The following ALDH1L1 variants were observed in gnomAD, a reference collection of about 807,000 sequenced individuals.
The protein encoded by ALDH1L1 is cytosolic 10-formyltetrahydrofolate dehydrogenase.
A neutral mutation model predicts 101.1 loss-of-function variants in ALDH1L1; 68 were observed. The observed-to-expected ratio is 0.67, with a 90% confidence interval of 0.55 to 0.82. The LOEUF is 0.82. Ranked by LOEUF, ALDH1L1 falls within the 40% of genes least tolerant of loss-of-function variation. ALDH1L1 has a pLI of 0.00. For missense variants in ALDH1L1, 1,087 were observed against 1,172.7 expected, an observed-to-expected ratio of 0.93 and a Z score of 1.07; for synonymous variants, 486 against 470.8, an observed-to-expected ratio of 1.03 and a Z score of -0.42.
chr3:126,180,684 T>C (rs568117662), upstream of ALDH1L1: 4 of 1,368,276 alleles, frequency 2.9e-6, no homozygotes, highest in Admixed American at 3.0e-5. Flanking sequence ...CGCTCACCGG[T>C]GGTGGGACTA....
intron 1 of ALDH1L1, among the ~76,000 whole-genome samples, chr3:126,162,775 T>G (rs77365657): frequency 2.9e-4 from 44 of 152,350 alleles, no homozygotes; most frequent in African/African-American, 1.0e-3. Context: ...TACTCCAACT[T>G]CATGAAGATG....
chr3:126,152,461 AC>A (rs1208419440), intron 7 of ALDH1L1: 1 of 152,224 alleles, frequency 6.6e-6, no homozygotes, highest in Non-Finnish European at 1.5e-5. Flanking sequence ...TACCCAAAAC[AC>A]TACATTGCAG....
In ALDH1L1 at chr3:126,155,476, C is replaced by T. The variant is rs761603305; in HGVS notation, c.556G>A (p.Gly186Ser). ...MVQAVRLIAE[G>S]KAPRLPQPEE... is the part of the protein sequence containing the mutation. The stretch of plus-strand genomic sequence containing the variant: ...GGCTGAGGGAGTCTGGGGGCTTTGC[C>T]CTCAGCGATCAGCCTCACGGCCTGC... Residue 186 changes from glycine (G) to serine (S), a missense_variant, in exon 5 of 23, where the codon GGC becomes AGC. Physicochemically the swap from Gly to Ser is moderately conservative, Grantham distance 56. Around this residue, in one of 2 missense-constraint regions of ALDH1L1, gnomAD observed 645 missense variants for 637.0 expected, o/e 1.01. Transcript: ENST00000393434. 4 of 1,612,926 alleles carry T rather than the reference C, an allele frequency of 2.5e-6. No homozygotes were observed. In the African/African-American group the frequency reaches 5.3e-5, roughly 22 times the overall value.
At chr3:126,115,198 A>AC (rs1245079215) in intron 17 of ALDH1L1, 1 of 405,338 alleles carries the variant, frequency 2.5e-6, no homozygotes, top group Non-Finnish European at 5.0e-6. Context: ...AGGCTGGGGC[A>AC]CCTCCTTGTA....
chr3:126,130,128 A>G (rs551428771), intron 14 of ALDH1L1, 95 bp downstream of exon 14: 2 of 1,179,212 alleles, frequency 1.7e-6, no homozygotes, highest in Non-Finnish European at 2.3e-6. Flanking sequence ...AAATGCACGC[A>G]CAGGGTGCTG....
At chr3:126,135,735 G>A (rs760612042) in intron 11 of ALDH1L1, 73 bp from the exon 12 acceptor site, 27 of 1,435,812 alleles carry the variant, frequency 1.9e-5, no homozygotes, top group Non-Finnish European at 2.4e-5. Flanking sequence ...CTGCTTCCCT[G>A]GCCTCCTCCT....
chr3:126,127,154 G>A (rs561443971), intron 14 of ALDH1L1, among the ~76,000 whole-genome samples: 46 of 152,282 alleles, frequency 3.0e-4, no homozygotes, highest in Admixed American at 8.5e-4. Context: ...ACAGCAGCCC[G>A]AACTGACGCC....
rs1361223330 is a variant in ALDH1L1 at position 126,158,567 on chromosome 3, G to C, written c.200C>G (p.Pro67Arg). ...AGCCTGGTATTTTGCCACCACATCAGGCAAAGCCTGTCCTTTTGCACGCCA... is the reference window on the plus strand; with the variant it reads ...AGCCTGGTATTTTGCCACCACATCACGCAAAGCCTGTCCTTTTGCACGCCA... ...SRWRAKGQAL[P>R]DVVAKYQALG... Residue 67 changes from proline (P) to arginine (R), a missense_variant, in exon 3 of 23, where the codon CCT becomes CGT. Pro to Arg is a moderately radical substitution (Grantham distance 103, BLOSUM62 -2). Transcript: ENST00000393434. The C allele has an allele frequency of 6.2e-7, 1 of 1,614,094 alleles. No individual in the cohort carries two copies. Among genetic ancestry groups the C allele is most frequent in the East Asian group, 2.2e-5 (1 of 44,890 alleles).
intron 9 of ALDH1L1, among the ~76,000 whole-genome samples, chr3:126,143,462 T>C (rs2108265269): frequency 6.6e-6 from 1 of 152,348 alleles, no homozygotes; most frequent in East Asian, 1.9e-4. Context: ...GAATTATTTC[T>C]GGACTTTTCC....
intron 2 of ALDH1L1, 128 bp downstream of exon 2, chr3:126,160,725 A>C: frequency 7.1e-7 from 1 of 1,409,396 alleles, no homozygotes; most frequent in East Asian, 2.3e-5. Flanking sequence ...TAGACCACTT[A>C]TGGCTGCCTC....
chr3:126,159,519 G>A (rs992358772), intron 2 of ALDH1L1: 11 of 456,594 alleles, frequency 2.4e-5, no homozygotes, highest in Non-Finnish European at 4.4e-5. Flanking sequence ...GCCCTGACTG[G>A]ACTGGCTCTC....
chr3:126,135,702 C>A (rs2080424363), intron 11 of ALDH1L1, 40 bp from the exon 12 acceptor site: 1 of 1,469,426 alleles, frequency 6.8e-7, no homozygotes. Flanking sequence ...CTCCCTAAGC[C>A]AGTTGCACAC....
intron 17 of ALDH1L1, among the ~76,000 whole-genome samples, chr3:126,117,151 A>G (rs12497344): frequency 0.62 from 93,509 of 151,032 alleles, 29,493 homozygotes; most frequent in African/African-American, 0.74. Flanking sequence ...AGGCTAAGGT[A>G]GGAGGATCGC....
chr3:126,154,600 C>G lies in ALDH1L1; in HGVS notation c.674G>C (p.Arg225Pro). The G allele has an allele frequency of 6.2e-7, 1 of 1,614,184 alleles. No homozygotes were observed. Among genetic ancestry groups the G allele is most frequent in the Non-Finnish European group, 8.5e-7 (1 of 1,180,026 alleles). The change falls in exon 6 of 23, where the codon CGC becomes CCC. Residue 225 changes from arginine (R) to proline (P), a missense_variant. By Grantham distance (103) the Arg-to-Pro change is moderately radical. This residue lies in a region of ALDH1L1 where 645 missense variants were observed against 637.0 expected (regional missense o/e 1.01). Coordinates refer to ENST00000393434, the MANE Select transcript of ALDH1L1 (RefSeq NM_012190.4). The stretch of plus-strand genomic sequence containing the variant: ...GGCTCCCGGCACCTTGTCGTTCCCG[C>G]GGATCCAGTTGTGAATGGCCTCTGC... ...QPAEAIHNWI[R>P]GNDKVPGAWT...
intron 7 of ALDH1L1, chr3:126,152,217 A>T (rs571376598): frequency 6.6e-6 from 1 of 152,390 alleles, no homozygotes; most frequent in Admixed American, 6.5e-5. Flanking sequence ...ACAGGCAGGT[A>T]TAATTGGAGG....
chr3:126,136,796 T>C lies in ALDH1L1; in HGVS notation c.1312A>G (p.Thr438Ala). The C allele has an allele frequency of 6.3e-7, 1 of 1,588,958 alleles. No individual in the cohort carries two copies. Among genetic ancestry groups the C allele is most frequent in the Non-Finnish European group, 8.6e-7 (1 of 1,167,154 alleles). ...TCGGTGGGATTGATGGTCTCAGAGG[T>C]CTTGGCGCCCTCGGCATCCACGAAC... ...GEFVDAEGAK[T>A]SETINPTDGS... The change falls in exon 11 of 23, where the codon ACC becomes GCC. Residue 438 changes from threonine (T) to alanine (A), a missense_variant. By Grantham distance (58) the Thr-to-Ala change is moderately conservative (BLOSUM62 0). Transcript: ENST00000393434.
chr3:126,157,268 C>T (rs183176548), intron 4 of ALDH1L1, 75 bp downstream of exon 4: 31 of 1,491,372 alleles, frequency 2.1e-5, no homozygotes, highest in Admixed American at 6.5e-5. Context: ...CCTCCAGGAG[C>T]GGTGGGCTGG....
At chr3:126,146,582 A>G (rs1006261717) in intron 9 of ALDH1L1, among the ~76,000 whole-genome samples, 5 of 151,964 alleles carry the variant, frequency 3.3e-5, no homozygotes, top group Admixed American at 6.6e-5. Flanking sequence ...ACTCCTCCCA[A>G]ATTCCCTCCT....
chr3:126,141,386 A>G (rs1336144551), intron 9 of ALDH1L1, among the ~76,000 whole-genome samples: 1 of 152,120 alleles, frequency 6.6e-6, no homozygotes, highest in Non-Finnish European at 1.5e-5. Flanking sequence ...ACACTGCTCA[A>G]GAAGAACAGA....
Sources: allele counts gnomAD v4.1 joint callset (sites outside exome capture counted in the v4.1 genomes callset), GRCh38; gene constraint gnomAD v4.1.1; regional missense constraint gnomAD v4.1.1; transcripts MANE v1.5; gene names NCBI Gene and HGNC (gene_info 2026-07-23, HGNC 2026-07-21).